Variants in MACROD2 observed in about 807,000 individuals in gnomAD.
MACROD2 encodes the protein mono-ADP ribosylhydrolase 2.
A neutral mutation model predicts 70.4 loss-of-function variants in MACROD2; 36 were observed. The observed-to-expected ratio is 0.51, with a 90% CI of 0.39 to 0.68. The LOEUF is 0.68. MACROD2 is among the 30% of genes least tolerant of loss of function. The probability of loss-of-function intolerance (pLI) is 0.00; values close to 1 mark genes in which losing one functional copy is unlikely to be tolerated. For missense variants in MACROD2, 496 were observed against 538.4 expected (o/e 0.92, Z 0.78); for synonymous variants, 172 against 178.8 (o/e 0.96, Z 0.30).
intron 5 of MACROD2, among the ~76,000 whole-genome samples, chr20:14,953,733 G>A (rs1413996205): frequency 6.6e-6 from 1 of 152,160 alleles, no homozygotes; most frequent in Admixed American, 6.5e-5. Flanking sequence ...GGCATTCTGA[G>A]GCCAACATCC....
chr20:15,778,245 T>G (rs752321149), intron 8 of MACROD2, among the ~76,000 whole-genome samples: 6 of 152,156 alleles, frequency 3.9e-5, no homozygotes, highest in Non-Finnish European at 7.4e-5. Flanking sequence ...TCTTATCCAC[T>G]TCTCTCTACT....
intron 5 of MACROD2, among the ~76,000 whole-genome samples, chr20:15,062,616 A>G (rs2075541877): frequency 6.6e-6 from 1 of 152,194 alleles, no homozygotes. Context: ...CTTAATGCTC[A>G]ACTTAATTAA....
intron 6 of MACROD2, among the ~76,000 whole-genome samples, chr20:15,344,236 C>T (rs998864296): frequency 5.3e-5 from 8 of 152,118 alleles, no homozygotes; most frequent in African/African-American, 1.9e-4. Context: ...ACTTTGGAGG[C>T]TCTTCTCTCT....
At chr20:15,791,835 T>C (rs1020978355) in intron 8 of MACROD2, among the ~76,000 whole-genome samples, 2 of 152,054 alleles carry the variant, frequency 1.3e-5, no homozygotes, top group African/African-American at 2.4e-5. Flanking sequence ...ATATTATACA[T>C]TGACAAACTG....
At chr20:14,608,702 A>C (rs931670396) in intron 4 of MACROD2, among the ~76,000 whole-genome samples, 3 of 152,194 alleles carry the variant, frequency 2.0e-5, no homozygotes, top group African/African-American at 7.2e-5. Flanking sequence ...AAGTGTCAGT[A>C]TACAGTAAAT....
intron 3 of MACROD2, among the ~76,000 whole-genome samples, chr20:14,293,544 A>G (rs369363923): frequency 1.3e-5 from 2 of 151,940 alleles, no homozygotes; most frequent in East Asian, 3.9e-4. Flanking sequence ...GGCTTCATGG[A>G]GAAACCAAAA....
chr20:15,427,389 T>A (rs1002837276), intron 6 of MACROD2, among the ~76,000 whole-genome samples: 3 of 152,254 alleles, frequency 2.0e-5, no homozygotes, highest in African/African-American at 4.8e-5. Context: ...AGTATGTTTT[T>A]CTTCTGCTAG....
At chr20:15,454,062 C>T (rs138371685) in intron 7 of MACROD2, among the ~76,000 whole-genome samples, 108 of 152,136 alleles carry the variant, frequency 7.1e-4, no homozygotes, top group Middle Eastern at 6.8e-3. Flanking sequence ...GAAAGCTAAA[C>T]GGTTGGGAAG....
At chr20:15,724,721 G>T (rs959817618) in intron 8 of MACROD2, among the ~76,000 whole-genome samples, 1 of 152,132 alleles carries the variant, frequency 6.6e-6, no homozygotes, top group South Asian at 2.1e-4. Context: ...AGTAGTGTCT[G>T]TCTTCCAGCT....
intron 10 of MACROD2, among the ~76,000 whole-genome samples, chr20:15,920,993 C>T (rs1365956814): frequency 6.6e-6 from 1 of 152,130 alleles, no homozygotes; most frequent in East Asian, 1.9e-4. Context: ...TCACCTGCTG[C>T]CCCTTTATCT....
intron 8 of MACROD2, among the ~76,000 whole-genome samples, chr20:15,777,772 G>A (rs1342013714): frequency 6.6e-6 from 1 of 152,004 alleles, no homozygotes; most frequent in African/African-American, 2.4e-5. Flanking sequence ...AGCCTCCCGA[G>A]TAGCTGGGAT....
chr20:15,543,994 G>T (rs540186812), intron 8 of MACROD2, among the ~76,000 whole-genome samples: 1 of 152,326 alleles, frequency 6.6e-6, no homozygotes, highest in African/African-American at 2.4e-5. Flanking sequence ...AAGTCACATG[G>T]CTGAGCACAG....
intron 3 of MACROD2, among the ~76,000 whole-genome samples, chr20:14,226,594 C>T (rs1366490931): frequency 6.6e-6 from 1 of 152,172 alleles, no homozygotes; most frequent in Non-Finnish European, 1.5e-5. Flanking sequence ...GCGGGCCGCG[C>T]ACTCGGAGCA....
chr20:15,201,168 A>G (rs1325487598), intron 5 of MACROD2, among the ~76,000 whole-genome samples: 1 of 152,108 alleles, frequency 6.6e-6, no homozygotes, highest in African/African-American at 2.4e-5. Flanking sequence ...GAGATGAAAC[A>G]TGGGTTAGTG....
intron 6 of MACROD2, among the ~76,000 whole-genome samples, chr20:15,254,086 A>C (rs570532016): frequency 3.9e-5 from 6 of 152,170 alleles, no homozygotes; most frequent in Admixed American, 2.0e-4. Flanking sequence ...AACTTAGGGG[A>C]CACTTACTTT....
At chr20:14,475,999 C>G (rs1462833411) in intron 3 of MACROD2, among the ~76,000 whole-genome samples, 3 of 151,926 alleles carry the variant, frequency 2.0e-5, no homozygotes, top group Non-Finnish European at 2.9e-5. Flanking sequence ...TGAGCCATGC[C>G]TCTATATAAA....
intron 5 of MACROD2, among the ~76,000 whole-genome samples, chr20:15,134,435 A>G (rs1192795771): frequency 2.6e-5 from 4 of 151,966 alleles, no homozygotes; most frequent in African/African-American, 4.8e-5. Flanking sequence ...GCTCAACTAC[A>G]TGGAAACTGA....
chr20:15,468,706 A>G (rs572162357), intron 7 of MACROD2, among the ~76,000 whole-genome samples: 1 of 152,256 alleles, frequency 6.6e-6, no homozygotes, highest in South Asian at 2.1e-4. Flanking sequence ...CTGTTCTTGC[A>G]TCCTTTCTCC....
At chr20:15,283,489 A>G (rs1268063507) in intron 6 of MACROD2, among the ~76,000 whole-genome samples, 1 of 152,146 alleles carries the variant, frequency 6.6e-6, no homozygotes, top group Non-Finnish European at 1.5e-5. Context: ...CCTGGCCAAC[A>G]TGGTGAAACT....
Sources: allele counts gnomAD v4.1 joint callset (sites outside exome capture counted in the v4.1 genomes callset), GRCh38; gene constraint gnomAD v4.1.1; transcripts MANE v1.5; gene names NCBI Gene and HGNC (gene_info 2026-07-23, HGNC 2026-07-21).